SLC9A2: variants seen among roughly 807,000 people sequenced by gnomAD.
SLC9A2 encodes the protein solute carrier family 9 member A2.
SLC9A2 carries 42 observed loss-of-function variants against 71.7 expected under a neutral mutation model. The observed-to-expected ratio is 0.59, with a 90% CI of 0.46 to 0.76. SLC9A2 has a LOEUF of 0.76. Ranked by LOEUF, SLC9A2 falls within the 30% of genes least tolerant of loss-of-function variation. The probability of loss-of-function intolerance (pLI) is 0.00; values close to 1 mark genes in which losing one functional copy is unlikely to be tolerated. For synonymous variants in SLC9A2, 396 were observed against 392.5 expected, an observed-to-expected ratio of 1.01 and a Z score of -0.10; for missense variants, 829 against 1,017.4, an observed-to-expected ratio of 0.81 and a Z score of 2.52.
intron 5 of SLC9A2, among the ~76,000 whole-genome samples, chr2:102,691,929 C>T (rs549444571): frequency 6.6e-6 from 1 of 152,290 alleles, no homozygotes; most frequent in Admixed American, 6.5e-5. Context: ...TAAATGAACA[C>T]TGATAGGAAA....
rs1473033784 is a variant in SLC9A2, at chr2:102,657,628, A to C, written c.354A>C (p.Gly118=). ...AGAGCTGCCTTCTTATAATGGTTGG[A>C]CTTCTACTAGGTGGGATTATTTTTG... ...VPESCLLIMV[G]LLLGGIIFGV... The change falls in exon 2 of 12, where the codon GGA becomes GGC. Residue 118 remains glycine (G), a synonymous_variant. Coordinates refer to ENST00000233969, the MANE Select transcript of SLC9A2 (RefSeq NM_003048.6). 1 of 1,614,020 alleles carries C rather than the reference A, an allele frequency of 6.2e-7. No individual in the cohort carries two copies.
At chr2:102,698,093 T>A (rs1053288397) in intron 7 of SLC9A2, among the ~76,000 whole-genome samples, 4 of 152,210 alleles carry the variant, frequency 2.6e-5, no homozygotes, top group Non-Finnish European at 5.9e-5. Context: ...TTACTCTCTC[T>A]AGTGAAAAGC....
chr2:102,642,296 C>T (rs2104508909), intron 1 of SLC9A2, among the ~76,000 whole-genome samples: 1 of 152,254 alleles, frequency 6.6e-6, no homozygotes, highest in East Asian at 1.9e-4. Context: ...ACATTTAGAA[C>T]CAGTCAGGCT....
intron 1 of SLC9A2, among the ~76,000 whole-genome samples, chr2:102,653,566 A>C (rs961391303): frequency 6.6e-6 from 1 of 152,168 alleles, no homozygotes; most frequent in African/African-American, 2.4e-5. Context: ...TGGCAGGTGC[A>C]TTGGCCTCTG....
Position 102,620,663 on chromosome 2 carries a change from C to T in SLC9A2, c.289+526C>T, listed in dbSNP as rs369578949. On this transcript the variant is annotated intron_variant, in intron 1 of 11. Coordinates refer to ENST00000233969, the MANE Select transcript of SLC9A2 (RefSeq NM_003048.6). ...AATAGGAACGCCCTTTCTCCTCCCTCTATTGGGTTGAGGCTGTCACTCTCC... is the reference window on the plus strand; with the variant it reads ...AATAGGAACGCCCTTTCTCCTCCCTTTATTGGGTTGAGGCTGTCACTCTCC... Among the ~76,000 whole-genome samples, 21 of 152,302 alleles carry T rather than the reference C, an allele frequency of 1.4e-4. No individual in the cohort carries two copies. The East Asian group carries it at 3.3e-3, about 24-fold the overall frequency.
chr2:102,622,639 T>C (rs1261202851), intron 1 of SLC9A2, among the ~76,000 whole-genome samples: 1 of 152,194 alleles, frequency 6.6e-6, no homozygotes, highest in Admixed American at 6.5e-5. Context: ...TCATTTCTCA[T>C]CTTTGTGCGT....
At position 102,674,387 on chromosome 2, in the gene SLC9A2, G is replaced by A. The variant is rs187775831; in HGVS notation, c.1005-8874G>A. On this transcript the variant is annotated intron_variant, in intron 3 of 11. Transcript: ENST00000233969. ...GGACAATGGCCTGGTATGAACCCCAGGCCCTCCTGTGTTGGCTTCTGGGGT... is the reference window on the plus strand; with the variant it reads ...GGACAATGGCCTGGTATGAACCCCAAGCCCTCCTGTGTTGGCTTCTGGGGT... Among the ~76,000 whole-genome samples the A allele has an allele frequency of 4.5e-3, 690 of 152,240 alleles. 6 individuals are homozygous for A. Among genetic ancestry groups the A allele is most frequent in the African/African-American group, 0.016 (652 of 41,570 alleles).
chr2:102,653,513 C>A (rs1286752332), intron 1 of SLC9A2, among the ~76,000 whole-genome samples: 1 of 152,216 alleles, frequency 6.6e-6, no homozygotes, highest in Non-Finnish European at 1.5e-5. Flanking sequence ...GTTGTTTCTG[C>A]TTGCCCGAGT....
At chr2:102,697,191 T>C (rs147470641) in intron 7 of SLC9A2, among the ~76,000 whole-genome samples, 1 of 152,284 alleles carries the variant, frequency 6.6e-6, no homozygotes, top group Non-Finnish European at 1.5e-5. Context: ...AGTGCTCCTC[T>C]GCCTCCCAAA....
intron 1 of SLC9A2, among the ~76,000 whole-genome samples, chr2:102,655,122 G>GT (rs1172348237): frequency 6.6e-6 from 1 of 151,572 alleles, no homozygotes; most frequent in Non-Finnish European, 1.5e-5. Context: ...TTTAAAAATG[G>GT]TTTTTTTGTA....
At chr2:102,632,003 T>TAG (rs1312437577) in intron 1 of SLC9A2, among the ~76,000 whole-genome samples, 12 of 29,788 alleles carry the variant, frequency 4.0e-4, no homozygotes, top group Non-Finnish European at 7.1e-4. Context: ...GGGATATATA[T>TAG]ATATATATAT....
intron 2 of SLC9A2, 33 bp from the exon 3 acceptor site, chr2:102,665,067 G>T (rs1677108045): frequency 6.3e-7 from 1 of 1,594,268 alleles, no homozygotes; most frequent in Non-Finnish European, 8.5e-7. Flanking sequence ...AATGGGAAAG[G>T]GTCTTGACAA....
chr2:102,679,684 G>T (rs1305882632), intron 3 of SLC9A2, among the ~76,000 whole-genome samples: 1 of 152,128 alleles, frequency 6.6e-6, no homozygotes, highest in Non-Finnish European at 1.5e-5. Flanking sequence ...AGCCACCAAA[G>T]CTATATTTTA....
At chr2:102,626,770 A>C (rs890136155) in intron 1 of SLC9A2, among the ~76,000 whole-genome samples, 3 of 152,246 alleles carry the variant, frequency 2.0e-5, no homozygotes, top group African/African-American at 7.2e-5. Context: ...AAGGATATGA[A>C]CAGACACTTC....
intron 9 of SLC9A2, among the ~76,000 whole-genome samples, chr2:102,703,451 G>A (rs1222961258): frequency 2.0e-5 from 3 of 152,058 alleles, no homozygotes; most frequent in Admixed American, 2.0e-4. Flanking sequence ...CCTGTCAGCT[G>A]GTCAAAAGCC....
intron 1 of SLC9A2, among the ~76,000 whole-genome samples, chr2:102,630,099 T>A (rs556931729): frequency 6.6e-6 from 1 of 152,132 alleles, no homozygotes; most frequent in Non-Finnish European, 1.5e-5. Flanking sequence ...TAATTCATAT[T>A]TGGACTGTAT....
chr2:102,683,247 A>T lies in SLC9A2; in HGVS notation c.1005-14A>T. ...ATTGTTAGGTTTCAATAGAAGCTGA[A>T]TCTTCCCTTTCAGAATCACTGCTTG... On this transcript the variant is annotated splice_polypyrimidine_tract_variant and intron_variant, in intron 3 of 11. Transcript: ENST00000233969. 6.3e-7 allele frequency: 1 copy of T among 1,585,882 alleles called. No homozygotes were observed. The highest frequency in any genetic ancestry group is 8.7e-7 in the Non-Finnish European group (1 of 1,154,306).
chr2:102,672,149 G>A (rs549026914), intron 3 of SLC9A2, among the ~76,000 whole-genome samples: 1 of 151,986 alleles, frequency 6.6e-6, no homozygotes, highest in Non-Finnish European at 1.5e-5. Flanking sequence ...AAAATATATA[G>A]CAGATTTTTA....
At chr2:102,705,782 A>C in intron 10 of SLC9A2, 64 bp from the exon 11 acceptor site, 2 of 958,010 alleles carry the variant, frequency 2.1e-6, no homozygotes, top group Non-Finnish European at 3.1e-6. Flanking sequence ...TACAATTTTT[A>C]ATCTTTAATA....
Sources: allele counts gnomAD v4.1 joint callset (sites outside exome capture counted in the v4.1 genomes callset), GRCh38; gene constraint gnomAD v4.1.1; transcripts MANE v1.5; gene names NCBI Gene and HGNC (gene_info 2026-07-23, HGNC 2026-07-21).